Variants in RNF150 observed in about 807,000 individuals in gnomAD.
The protein encoded by RNF150 is ring finger protein 150.
Under a neutral mutation model 39.3 loss-of-function variants are expected in RNF150, and 24 were observed. That is an observed-to-expected ratio of 0.61 (90% CI 0.44 to 0.86). The LOEUF (loss-of-function observed/expected upper bound fraction) is 0.86. Among genes scored for constraint, RNF150 ranks in the 40% least tolerant of loss-of-function variants. RNF150 has a pLI of 0.00. For synonymous variants in RNF150, 255 were observed against 227.3 expected (o/e 1.12, Z -1.10); for missense variants, 502 against 587.8 (o/e 0.85, Z 1.51).
chr4:141,199,424 C>T (rs1335921827), intron 1 of RNF150, among the ~76,000 whole-genome samples: 1 of 152,132 alleles, frequency 6.6e-6, no homozygotes, highest in African/African-American at 2.4e-5. Flanking sequence ...CATTGATTCA[C>T]AATGTCCAAA....
chr4:141,027,944 T>TTTTTTTTA (rs1735783369), intron 1 of RNF150, among the ~76,000 whole-genome samples: 1 of 133,012 alleles, frequency 7.5e-6, no homozygotes. Flanking sequence ...TTTTTTTTTT[T>TTTTTTTTA]TTTTTTTTCA....
At chr4:141,034,395 T>C (rs1736065442) in intron 1 of RNF150, among the ~76,000 whole-genome samples, 1 of 152,202 alleles carries the variant, frequency 6.6e-6, no homozygotes, top group South Asian at 2.1e-4. Flanking sequence ...TTTAATCTTC[T>C]ACCTAGACCA....
chr4:141,044,223 CT>C (rs1736476457), intron 1 of RNF150, among the ~76,000 whole-genome samples: 7 of 152,124 alleles, frequency 4.6e-5, no homozygotes, highest in Admixed American at 4.6e-4. Context: ...AGCTAAATGT[CT>C]TATTAGTTTT....
intron 1 of RNF150, among the ~76,000 whole-genome samples, chr4:141,161,410 G>A (rs184574220): frequency 4.6e-5 from 7 of 152,258 alleles, no homozygotes; most frequent in Non-Finnish European, 8.8e-5. Context: ...CCTAAAATTG[G>A]AACTTATATT....
chr4:141,124,602 C>T (rs1726702429), intron 1 of RNF150, among the ~76,000 whole-genome samples: 2 of 152,116 alleles, frequency 1.3e-5, no homozygotes, highest in South Asian at 4.1e-4. Context: ...TGAATATTTG[C>T]TGTAGATAGT....
At chr4:140,874,329 G>A (rs1324227987) in intron 6 of RNF150, among the ~76,000 whole-genome samples, 3 of 152,098 alleles carry the variant, frequency 2.0e-5, no homozygotes, top group Admixed American at 6.5e-5. Flanking sequence ...GCCCTGTTCA[G>A]TGCTGGGTAT....
chr4:141,092,349 A>AC (rs1236483947), intron 1 of RNF150, among the ~76,000 whole-genome samples: 1 of 152,082 alleles, frequency 6.6e-6, no homozygotes, highest in East Asian at 1.9e-4. Flanking sequence ...TGTACAAAAA[A>AC]AAAAAGGAAA....
intron 1 of RNF150, among the ~76,000 whole-genome samples, chr4:141,121,743 C>T (rs570741474): frequency 2.7e-4 from 41 of 152,088 alleles, no homozygotes; most frequent in African/African-American, 9.6e-4. Context: ...AATTTCGATC[C>T]TTATAGTTCT....
chr4:141,047,476 G>C (rs1012212656), intron 1 of RNF150, among the ~76,000 whole-genome samples: 3 of 152,020 alleles, frequency 2.0e-5, no homozygotes, highest in Non-Finnish European at 4.4e-5. Context: ...TGACTCATAG[G>C]ATAAACTTTT....
chr4:141,190,115 G>A (rs2111200880), intron 1 of RNF150, among the ~76,000 whole-genome samples: 1 of 152,232 alleles, frequency 6.6e-6, no homozygotes, highest in Non-Finnish European at 1.5e-5. Flanking sequence ...CCTGGGTGAG[G>A]TGACACCCCA....
chr4:141,006,211 CATATATATACACAT>C (rs890977994), intron 1 of RNF150, among the ~76,000 whole-genome samples: 6 of 150,912 alleles, frequency 4.0e-5, no homozygotes, highest in African/African-American at 1.5e-4. Context: ...TATATACACA[CATATATATACACAT>C]ATATATGTGT....
chr4:141,002,246 ATT>A (rs539231948), intron 1 of RNF150, among the ~76,000 whole-genome samples: 3 of 147,786 alleles, frequency 2.0e-5, no homozygotes, highest in Non-Finnish European at 4.5e-5. Flanking sequence ...GTTTTCCTAG[ATT>A]TTTTTTTTTT....
At chr4:141,063,689 G>C (rs778894547) in intron 1 of RNF150, among the ~76,000 whole-genome samples, 1 of 152,096 alleles carries the variant, frequency 6.6e-6, no homozygotes, top group Non-Finnish European at 1.5e-5. Flanking sequence ...CTATCAGTAG[G>C]AACCAACTAA....
intron 1 of RNF150, among the ~76,000 whole-genome samples, chr4:140,998,979 G>T (rs922337322): frequency 6.6e-6 from 1 of 152,212 alleles, no homozygotes; most frequent in Non-Finnish European, 1.5e-5. Context: ...ATCTACTTTA[G>T]ATCTCAAAGC....
At chr4:141,010,166 C>A (rs1735024136) in intron 1 of RNF150, among the ~76,000 whole-genome samples, 1 of 152,172 alleles carries the variant, frequency 6.6e-6, no homozygotes, top group African/African-American at 2.4e-5. Flanking sequence ...CTAACTGGAA[C>A]AAGTGATTAG....
chr4:141,127,721 T>C (rs1014850642), intron 1 of RNF150, among the ~76,000 whole-genome samples: 3 of 152,194 alleles, frequency 2.0e-5, no homozygotes, highest in Admixed American at 1.3e-4. Context: ...TTCCTCCATC[T>C]CCAAGTTGCC....
upstream of RNF150, among the ~76,000 whole-genome samples, chr4:141,134,309 A>G (rs1268175155): frequency 5.3e-5 from 8 of 152,180 alleles, no homozygotes; most frequent in African/African-American, 1.7e-4. Flanking sequence ...AGAGTGCCTT[A>G]CCAATTAGAC....
At chr4:141,085,740 C>T (rs919419205) in intron 1 of RNF150, among the ~76,000 whole-genome samples, 1 of 152,048 alleles carries the variant, frequency 6.6e-6, no homozygotes, top group African/African-American at 2.4e-5. Flanking sequence ...GGAACAGACA[C>T]CTATGGTGAG....
chr4:141,005,211 T>C (rs1462615921), intron 1 of RNF150, among the ~76,000 whole-genome samples: 1 of 152,204 alleles, frequency 6.6e-6, no homozygotes, highest in East Asian at 1.9e-4. Flanking sequence ...AGATATATTT[T>C]GGACATGCTA....
Sources: allele counts gnomAD v4.1 joint callset (sites outside exome capture counted in the v4.1 genomes callset), GRCh38; gene constraint gnomAD v4.1.1; transcripts MANE v1.5; gene names NCBI Gene and HGNC (gene_info 2026-07-23, HGNC 2026-07-21).